ACSF3: variants seen among roughly 807,000 people sequenced by gnomAD.
ACSF3 encodes acyl-CoA synthetase family member 3, also known as malonate--CoA ligase ACSF3, mitochondrial.
Under a neutral mutation model 53.2 loss-of-function variants are expected in ACSF3, and 78 were observed. The observed-to-expected ratio is 1.47, with a 90% CI of 1.22 to 1.77. The LOEUF (loss-of-function observed/expected upper bound fraction) is 1.77. Ranked by LOEUF, ACSF3 falls within the 40% of genes most tolerant of loss-of-function variation. ACSF3 has a pLI of 0.00. For synonymous variants in ACSF3, 414 were observed against 333.1 expected (o/e 1.24, Z -2.65); for missense variants, 937 against 771.1 (o/e 1.22, Z -2.55).
Position 89,145,419 on chromosome 16 carries a change from G to A in ACSF3, c.1501+18G>A, listed in dbSNP as rs1295338073. 1.2e-6 allele frequency: 2 copies of A among 1,613,480 alleles called. No homozygotes were observed. The highest frequency in any genetic ancestry group is 1.3e-5 in the African/African-American group (1 of 74,928). ...CATCACAGGTGCGTGGCCGGACTTG[G>A]GCCAGGGAGGCCAGGCTAGACGGGT... On this transcript the variant is annotated intron_variant, in intron 9 of 10. Coordinates refer to ENST00000614302, the MANE Select transcript of ACSF3 (RefSeq NM_001243279.3).
At chr16:89,108,061 C>A (rs1169547877) in intron 4 of ACSF3, among the ~76,000 whole-genome samples, 1 of 152,170 alleles carries the variant, frequency 6.6e-6, no homozygotes. Context: ...AGCGGAAACC[C>A]TTGATAAACC....
At chr16:89,109,982 A>C (rs1039088405) in intron 4 of ACSF3, among the ~76,000 whole-genome samples, 5 of 152,206 alleles carry the variant, frequency 3.3e-5, no homozygotes, top group African/African-American at 1.2e-4. Context: ...TTGTCTTCTT[A>C]CTGAGTTGTA....
chr16:89,146,956 G>A (rs1391272882), intron 10 of ACSF3, among the ~76,000 whole-genome samples: 1 of 152,138 alleles, frequency 6.6e-6, no homozygotes, highest in Non-Finnish European at 1.5e-5. Context: ...GAAGCTTTTA[G>A]TTTCACCTAC....
Position 89,096,436 on chromosome 16 carries a change from G to A in ACSF3, c.-193-2155G>A, listed in dbSNP as rs116642989. ...GCGCACAGCCATCTGCCCTGAGTAG[G>A]CTCTGTCTGCGTGTTCGAGGCAGGG... On this transcript the variant is annotated intron_variant, in intron 1 of 10. Coordinates refer to ENST00000614302, the MANE Select transcript of ACSF3 (RefSeq NM_001243279.3). Among the ~76,000 whole-genome samples the A allele has an allele frequency of 7.3e-3, 1,111 of 152,306 alleles. 17 individuals carry two copies. Among genetic ancestry groups the A allele is most frequent in the African/African-American group, 0.025 (1,056 of 41,564 alleles).
At chr16:89,139,151 A>G (rs1220521833) in intron 8 of ACSF3, among the ~76,000 whole-genome samples, 1 of 152,198 alleles carries the variant, frequency 6.6e-6, no homozygotes, top group Non-Finnish European at 1.5e-5. Flanking sequence ...AACTGAGCCC[A>G]GGAGACACTG....
At chr16:89,137,843 TG>T (rs1597212297) in intron 8 of ACSF3, among the ~76,000 whole-genome samples, 1 of 152,162 alleles carries the variant, frequency 6.6e-6, no homozygotes, top group East Asian at 1.9e-4. Flanking sequence ...CACGTGCTCA[TG>T]GGCACCACTG....
chr16:89,132,468 A>G (rs1909536290), intron 7 of ACSF3, among the ~76,000 whole-genome samples: 1 of 151,688 alleles, frequency 6.6e-6, no homozygotes, highest in South Asian at 2.1e-4. Context: ...GGCTCATATA[A>G]CCCAGCCTCC....
At position 89,150,300 on chromosome 16, in the gene ACSF3, A is replaced by G. The variant is rs187739303; in HGVS notation, c.1614-3790A>G. ...TCAGGGCAGCATCAGGGCACCACACATGCCTGGGCTTGCACAACACAGCGG... is the reference window on the plus strand; with the variant it reads ...TCAGGGCAGCATCAGGGCACCACACGTGCCTGGGCTTGCACAACACAGCGG... On this transcript the variant is annotated intron_variant, in intron 10 of 10. Transcript: ENST00000614302. 2.5e-3 allele frequency: 389 copies of G among 152,574 alleles called. 1 individual carries two copies. Among genetic ancestry groups the G allele is most frequent in the Middle Eastern group, 0.01 (3 of 296 alleles). 9.5% of individuals were successfully genotyped at this position (152,574 alleles called of 1,614,324 possible). A position where few individuals can be genotyped will look rare whatever the true frequency, so the allele number is the denominator to read the frequency against.
chr16:89,124,929 CT>C (rs1334025837), intron 7 of ACSF3, among the ~76,000 whole-genome samples: 7 of 152,244 alleles, frequency 4.6e-5, no homozygotes, highest in Admixed American at 3.9e-4. Flanking sequence ...GTTTCCATTC[CT>C]CTACCGACAC....
At chr16:89,134,319 A>G (rs921989953) in intron 8 of ACSF3, among the ~76,000 whole-genome samples, 1 of 152,176 alleles carries the variant, frequency 6.6e-6, no homozygotes, top group Admixed American at 6.5e-5. Context: ...GAAAAGAACC[A>G]TGGAACCCAG....
chr16:89,155,533 C>T lies in ACSF3; in HGVS notation c.*1326C>T, dbSNP rs777984551. 2.2e-6 allele frequency: 1 copy of T among 454,136 alleles called. No individual in the cohort carries two copies. The highest frequency in any genetic ancestry group is 2.3e-5 in the Admixed American group (1 of 42,586). 28.1% of individuals were successfully genotyped at this position (454,136 alleles called of 1,614,324 possible). ...GGTGCCCCAGTCCACGGCCCTGCCC[C>T]ACCCGAACTCCTGCCTCACGGTGTG... On this transcript the variant is annotated 3_prime_UTR_variant, in exon 11 of 11. Coordinates refer to ENST00000614302, the MANE Select transcript of ACSF3 (RefSeq NM_001243279.3).
At chr16:89,102,459 A>T in intron 3 of ACSF3, 145 bp from the exon 4 acceptor site, 1 of 919,868 alleles carries the variant, frequency 1.1e-6, no homozygotes, top group Non-Finnish European at 1.7e-6. Context: ...GAGGCTGCTA[A>T]AGGGGAGCAA....
At chr16:89,136,564 C>G in intron 8 of ACSF3, 1 of 1,275,372 alleles carries the variant, frequency 7.8e-7, no homozygotes, top group Non-Finnish European at 1.0e-6. Flanking sequence ...TCCTGCCACA[C>G]GGATTCTGGC....
chr16:89,151,190 T>G (rs761083883), intron 10 of ACSF3: 2 of 509,114 alleles, frequency 3.9e-6, no homozygotes, highest in South Asian at 3.0e-5. Context: ...ATAACTCCCT[T>G]AAAAGACACA....
intron 8 of ACSF3, chr16:89,136,976 T>G (rs1458946225): frequency 9.2e-7 from 1 of 1,089,590 alleles, no homozygotes; most frequent in Non-Finnish European, 1.2e-6. Context: ...CTGCAGATGC[T>G]CTGACTCCAC....
rs376098216 is a variant in ACSF3, at chr16:89,101,238, C to T, written c.557C>T (p.Pro186Leu). The part of the protein sequence containing the change: ...TGAVEEPAEV[P>L]VPEQGWRNKG... ...GCAGTAGAGGAACCGGCAGAGGTCCCGGTCCCAGAGCAGGGATGGAGGAAC... is the reference window on the plus strand; with the variant it reads ...GCAGTAGAGGAACCGGCAGAGGTCCTGGTCCCAGAGCAGGGATGGAGGAAC... Residue 186 changes from proline (P) to leucine (L), a missense_variant, in exon 3 of 11, where the codon CCG becomes CTG. Transcript: ENST00000614302. 2.1e-5 allele frequency: 33 copies of T among 1,600,032 alleles called. No homozygotes were observed. The highest frequency in any genetic ancestry group is 1.6e-4 in the South Asian group (14 of 89,720).
intron 7 of ACSF3, among the ~76,000 whole-genome samples, chr16:89,124,732 T>C (rs1396238504): frequency 1.3e-5 from 2 of 152,006 alleles, no homozygotes; most frequent in African/African-American, 4.8e-5. Context: ...TGCATATACG[T>C]GTGTGTTACC....
intron 10 of ACSF3, 25 bp downstream of exon 10, chr16:89,146,074 G>A (rs1031257862): frequency 6.9e-7 from 1 of 1,451,918 alleles, no homozygotes; most frequent in African/African-American, 1.4e-5. Flanking sequence ...GGCGGGCAGG[G>A]AGCACTCATG....
Position 89,098,765 on chromosome 16 carries a change from T to G in ACSF3, c.-21+2T>G, listed in dbSNP as rs1475776092. 8.8e-6 allele frequency: 4 copies of G among 454,124 alleles called. No homozygotes were observed. Among genetic ancestry groups the G allele is most frequent in the South Asian group, 3.1e-5 (2 of 64,478 alleles). 28.1% of individuals were successfully genotyped at this position (454,124 alleles called of 1,614,324 possible). ...TCCTCTCTCTGGCTCGGGAGCTGGG[T>G]GAGTTTGAACTTGGCCTCCTTTGCT... On this transcript the variant is annotated splice_donor_variant, in intron 2 of 10. Coordinates refer to ENST00000614302, the MANE Select transcript of ACSF3 (RefSeq NM_001243279.3). LOFTEE classifies it low-confidence loss of function (5UTR_SPLICE).
Sources: gnomAD v4.1 joint callset for allele counts (sites outside exome capture counted in the v4.1 genomes callset) on GRCh38, gnomAD v4.1.1 for gene constraint, MANE v1.5 for transcripts, NCBI Gene and HGNC (gene_info 2026-07-23, HGNC 2026-07-21) for gene names.